The following SPATA4 variants were observed in gnomAD, a reference collection of about 807,000 sequenced individuals.
SPATA4 encodes spermatogenesis associated 4, also known as spermatogenesis-associated protein 4.
In SPATA4, 35 loss-of-function variants were observed where a neutral mutation model predicts 31.8. The ratio of observed to expected loss-of-function variants is 1.10; its 90% CI spans 0.84 to 1.46. The LOEUF is 1.46. Ranked by LOEUF, SPATA4 falls within the 40% of genes most tolerant of loss-of-function variation. SPATA4 has a pLI of 0.00. For missense variants in SPATA4, 394 were observed against 363.1 expected, an observed-to-expected ratio of 1.09 and a Z score of -0.69; for synonymous variants, 126 against 132.4, an observed-to-expected ratio of 0.95 and a Z score of 0.33.
Position 176,192,990 on chromosome 4 carries a change from T to C in SPATA4, c.435A>G (p.Ile145Met). The C allele has an allele frequency of 6.2e-7, 1 of 1,609,674 alleles. No individual in the cohort carries two copies. Among genetic ancestry groups the C allele is most frequent in the South Asian group, 1.1e-5 (1 of 89,448 alleles). The change falls in exon 3 of 6, where the codon ATA (isoleucine) becomes ATG (methionine). Residue 145 changes from isoleucine (I) to methionine (M), a missense_variant. Transcript: ENST00000280191. ...GTGTTAATAAAGTGTAAACCTCTTC[T>C]ATCAATATTTCAGGCACTCCAGCTT... ...HCKAGVPEIL[I>M]EEVYTLLTHR... is the part of the protein sequence containing the mutation.
At chr4:176,194,378 AGT>A (rs1752579932) in intron 1 of SPATA4, 1 of 85,548 alleles carries the variant, frequency 1.2e-5, no homozygotes, top group Non-Finnish European at 2.6e-5. Flanking sequence ...TTTCAGCCAC[AGT>A]GTGTGATAAG....
At position 176,195,355 on chromosome 4, in the gene SPATA4, T is replaced by A; in HGVS notation, c.208A>T (p.Asn70Tyr). 1.2e-6 allele frequency: 2 copies of A among 1,613,878 alleles called. No individual in the cohort carries two copies. Among genetic ancestry groups the A allele is most frequent in the Non-Finnish European group, 1.7e-6 (2 of 1,179,976 alleles). The change falls in exon 1 of 6, where the codon AAC (asparagine) becomes TAC (tyrosine). Residue 70 changes from asparagine (N) to tyrosine (Y), a missense_variant. Physicochemically the swap from Asn to Tyr is moderately radical, Grantham distance 143. Transcript: ENST00000280191. Reference protein sequence around the residue: ...QGLDLSFFPRNINRDFSNGFL... With the variant: ...QGLDLSFFPRYINRDFSNGFL... ...GGCTTACTCAAGCACCTGTTGATGT[T>A]CCTGGGGAAGAAGCTGAGATCCAGA...
chr4:176,193,659 T>C lies in SPATA4; in HGVS notation c.219-77A>G, dbSNP rs977717970. On this transcript the variant is annotated intron_variant, in intron 1 of 5. Coordinates refer to ENST00000280191, the MANE Select transcript of SPATA4 (RefSeq NM_144644.4). ...TGTATTATTTTATAATTAATACTAGTCTAATATTCCATACTAAAAGTATCT... is the reference window on the plus strand; with the variant it reads ...TGTATTATTTTATAATTAATACTAGCCTAATATTCCATACTAAAAGTATCT... 6.7e-6 allele frequency: 9 copies of C among 1,352,998 alleles called. No homozygotes were observed. The Admixed American group carries it at 2.3e-4, about 35-fold the overall frequency. 83.8% of individuals were successfully genotyped at this position (1,352,998 alleles called of 1,614,324 possible). A position where few individuals can be genotyped will look rare whatever the true frequency, so the allele number is the denominator to read the frequency against.
intron 4 of SPATA4, among the ~76,000 whole-genome samples, chr4:176,191,389 C>T (rs919997225): frequency 3.9e-5 from 6 of 152,132 alleles, no homozygotes; most frequent in Non-Finnish European, 5.9e-5. Flanking sequence ...CCACCGCACC[C>T]GGCCTAGATT....
intron 5 of SPATA4, among the ~76,000 whole-genome samples, chr4:176,187,858 C>A (rs975946212): frequency 1.3e-5 from 2 of 152,180 alleles, no homozygotes; most frequent in African/African-American, 4.8e-5. Context: ...ATGAGCCTGA[C>A]GTGTTTCCAA....
Position 176,192,704 on chromosome 4 carries a change from A to G in SPATA4, c.611T>C (p.Leu204Pro). 1.2e-6 allele frequency: 2 copies of G among 1,614,154 alleles called. No individual in the cohort carries two copies. Among genetic ancestry groups the G allele is most frequent in the Non-Finnish European group, 1.7e-6 (2 of 1,179,996 alleles). The change falls in exon 4 of 6, where the codon CTG becomes CCG. Residue 204 changes from leucine (L) to proline (P), a missense_variant. Physicochemically the swap from Leu to Pro is moderately conservative, Grantham distance 98 (BLOSUM62 -3). Coordinates refer to ENST00000280191, the MANE Select transcript of SPATA4 (RefSeq NM_144644.4). Reference protein sequence around the residue: ...LSELLSNPNMLTNELKAEFLI... With the variant: ...LSELLSNPNMPTNELKAEFLI... ...GAACTCCGCTTTAAGTTCATTGGTC[A>G]GCATGTTGGGATTGCTTAGTAATTC... is the stretch of plus-strand genomic sequence containing the variant.
At chr4:176,193,307 T>G in intron 2 of SPATA4, 146 bp downstream of exon 2, 1 of 1,024,492 alleles carries the variant, frequency 9.8e-7, no homozygotes, top group Non-Finnish European at 1.4e-6. Flanking sequence ...CAGTTGGAAT[T>G]TAATAAACTT....
At chr4:176,191,725 G>A (rs974264588) in intron 4 of SPATA4, among the ~76,000 whole-genome samples, 1 of 152,136 alleles carries the variant, frequency 6.6e-6, no homozygotes, top group Non-Finnish European at 1.5e-5. Flanking sequence ...TAAAGCCAGA[G>A]ATGAGAAAAA....
intron 3 of SPATA4, 31 bp downstream of exon 3, chr4:176,192,927 T>C: frequency 6.3e-7 from 1 of 1,581,184 alleles, no homozygotes. Flanking sequence ...TCACATTAAA[T>C]TGTGTTACTA....
At chr4:176,185,463 A>T (rs1476750002) in intron 5 of SPATA4, among the ~76,000 whole-genome samples, 1 of 152,210 alleles carries the variant, frequency 6.6e-6, no homozygotes, top group Non-Finnish European at 1.5e-5. Context: ...CCTAACTTAC[A>T]ATTAATTTTG....
intron 5 of SPATA4, among the ~76,000 whole-genome samples, chr4:176,185,940 A>C (rs1326165475): frequency 6.6e-6 from 1 of 152,216 alleles, no homozygotes; most frequent in Non-Finnish European, 1.5e-5. Context: ...AGTGAATCAT[A>C]AAAGAGCAAC....
rs745487762 is a variant in SPATA4, at chr4:176,193,510, GGAT to G, written c.288_290del (p.Ser97del). On this transcript the variant is annotated inframe_deletion, in exon 2 of 6. Coordinates refer to ENST00000280191, the MANE Select transcript of SPATA4 (RefSeq NM_144644.4). ...CTTTTAAAGAGGTCCCGTTTTCAAA[GGAT>G]GATAATTCAAGTTCCCAGGGGTAAT... 1.9e-6 allele frequency: 3 copies of G among 1,613,660 alleles called. No individual in the cohort carries two copies. The highest frequency in any genetic ancestry group is 2.2e-5 in the East Asian group (1 of 44,848).
rs1752558567 is a variant in SPATA4 at position 176,193,055 on chromosome 4, TA to T, written c.369del (p.Phe123LeufsTer7). On this transcript the variant is annotated frameshift_variant, in exon 3 of 6. Transcript: ENST00000280191. LOFTEE classifies it high-confidence loss of function. ...CCATGGATTAGTTCTTTAGGTAATT[TA>T]AATTTTTTTCTTGCCAGGAACTTTA... ...QLEKFLARKK[F>X]KLPKELIHGT... 2 of 1,591,504 alleles carry T rather than the reference TA, an allele frequency of 1.3e-6. No individual in the cohort carries two copies. The highest frequency in any genetic ancestry group is 2.7e-5 in the African/African-American group (2 of 73,528).
rs749191162 is a variant in SPATA4 at position 176,193,062 on chromosome 4, T to TG, written c.362_363insC (p.Lys121AsnfsTer4). The stretch of plus-strand genomic sequence containing the variant: ...TTAGTTCTTTAGGTAATTTAAATTT[T>TG]TTTCTTGCCAGGAACTTTAATAGTA... On this transcript the variant is annotated frameshift_variant, in exon 3 of 6. Coordinates refer to ENST00000280191, the MANE Select transcript of SPATA4 (RefSeq NM_144644.4). LOFTEE classifies it high-confidence loss of function. 6.3e-7 allele frequency: 1 copy of TG among 1,588,246 alleles called. No individual in the cohort carries two copies. Among genetic ancestry groups the TG allele is most frequent in the South Asian group, 1.2e-5 (1 of 85,096 alleles).
intron 5 of SPATA4, 85 bp downstream of exon 5, chr4:176,188,034 A>G (rs1374894568): frequency 1.0e-6 from 1 of 959,004 alleles, no homozygotes; most frequent in Non-Finnish European, 1.7e-6. Flanking sequence ...CAACATTTTA[A>G]CTATTTAACC....
At position 176,192,783 on chromosome 4, in the gene SPATA4, G is replaced by T. The variant is rs867804460; in HGVS notation, c.532C>A (p.Leu178Met). 19 of 1,614,024 alleles carry T rather than the reference G, an allele frequency of 1.2e-5. No individual in the cohort carries two copies. In the African/African-American group the frequency reaches 2.0e-4, roughly 17 times the overall value. The change falls in exon 4 of 6, where the codon CTG becomes ATG. Residue 178 changes from leucine (L) to methionine (M), a missense_variant. Transcript: ENST00000280191. The part of the protein sequence containing the change: ...TDYSYQMRLP[L>M]VSRSTVSKSI... ...TTCGAAACTGTAGACCTGGAAACCAGGGGTAAACGCATCTGGTAGCTATAG... is the reference window on the plus strand; with the variant it reads ...TTCGAAACTGTAGACCTGGAAACCATGGGTAAACGCATCTGGTAGCTATAG...
In SPATA4 at chr4:176,192,686, G is replaced by A. The variant is rs771756861; in HGVS notation, c.629C>T (p.Ala210Val). 74 of 1,613,882 alleles carry A rather than the reference G, an allele frequency of 4.6e-5. No individual in the cohort carries two copies. The highest frequency in any genetic ancestry group is 2.2e-4 in the South Asian group (20 of 91,080). ...NPNMLTNELK[A>V]EFLILLHMLQ... ...CATATGTAAAAGGATGAGGAACTCC[G>A]CTTTAAGTTCATTGGTCAGCATGTT... The change falls in exon 4 of 6, where the codon GCG becomes GTG. Residue 210 changes from alanine (A) to valine (V), a missense_variant. Physicochemically the swap from Ala to Val is moderately conservative, Grantham distance 64 (BLOSUM62 0). Transcript: ENST00000280191.
Position 176,188,122 on chromosome 4 carries a change from A to G in SPATA4, c.802T>C (p.Leu268=). The G allele has an allele frequency of 6.2e-7, 1 of 1,608,352 alleles. No individual in the cohort carries two copies. Among genetic ancestry groups the G allele is most frequent in the Non-Finnish European group, 8.5e-7 (1 of 1,175,672 alleles). The change falls in exon 5 of 6, where the codon TTA becomes CTA. Residue 268 remains leucine, a synonymous_variant. Transcript: ENST00000280191. ...GAAGCAAAGAGTTAAAACTTACGTA[A>G]AACAGGGACAACTCTTCCTCTTTTA... ...KVKRGRVVPV[L]PNIGSGGSSH...
At chr4:176,190,162 C>T (rs1029768906) in intron 4 of SPATA4, among the ~76,000 whole-genome samples, 5 of 152,134 alleles carry the variant, frequency 3.3e-5, no homozygotes, top group African/African-American at 1.2e-4. Flanking sequence ...GGTCGCGGCA[C>T]TGGGCTGTCT....
Sources: gnomAD v4.1 joint callset for allele counts (sites outside exome capture counted in the v4.1 genomes callset) on GRCh38, gnomAD v4.1.1 for gene constraint, MANE v1.5 for transcripts, NCBI Gene and HGNC (gene_info 2026-07-23, HGNC 2026-07-21) for gene names.